Variants in SSX4 observed in about 807,000 individuals in gnomAD.
SSX4 encodes the protein protein SSX4.
For missense variants in SSX4, 7 were observed against 29.1 expected (o/e 0.24, Z 1.75); for synonymous variants, 1 against 11.0 (o/e 0.09, Z 1.80).
In SSX4 at chrX:48,384,630, G is replaced by T. The variant is rs200595676; in HGVS notation, c.139G>T (p.Val47Phe). 1.7e-6 allele frequency: 2 copies of T among 1,164,379 alleles called. No homozygotes were observed. The highest frequency in any genetic ancestry group is 1.9e-5 in the South Asian group (1 of 52,819). Residue 47 changes from valine to phenylalanine, a missense_variant, in exon 3 of 8, where the codon GTC becomes TTC. By Grantham distance (50) the Val-to-Phe change is conservative. Transcript: ENST00000595689. ...WEKMKSSEKIVYVYMKLNYEV... is the reference protein window; with the variant it reads ...WEKMKSSEKIFYVYMKLNYEV... The stretch of plus-strand genomic sequence containing the variant: ...AAAGATGAAATCCTCGGAGAAAATC[G>T]TCTATGTGTATATGAAGCTAAACTA...
chrX:48,384,161 G>A (rs1556955588), intron 2 of SSX4, 39 bp downstream of exon 2: 1 of 66,934 alleles, frequency 1.5e-5, no homozygotes, highest in Non-Finnish European at 2.5e-5. Flanking sequence ...TGGCCCAGGG[G>A]ACAGTGTGGG....
At chrX:48,384,957 C>A (rs1319603205) in intron 3 of SSX4, among the ~76,000 whole-genome samples, 2 of 2,116 alleles carry the variant, frequency 9.5e-4, no homozygotes, top group Non-Finnish European at 2.4e-3. Flanking sequence ...ACCCCCACAC[C>A]CAACACGCAC....
rs2061333730 is a variant in SSX4, at chrX:48,384,550, T to G, written c.70-11T>G. The G allele has an allele frequency of 9.1e-6, 11 of 1,206,565 alleles. No homozygotes were observed. The highest frequency in any genetic ancestry group is 8.9e-6 in the Non-Finnish European group (8 of 894,870). ...AGTCCCTGCCATAATTCCTTTTTTT[T>G]TTTTTTCCAGGCCTTCGATGATATT... On this transcript the variant is annotated splice_polypyrimidine_tract_variant and intron_variant, in intron 2 of 7. Coordinates refer to ENST00000595689, the MANE Select transcript of SSX4 (RefSeq NM_005636.4).
At position 48,384,228 on chromosome X, in the gene SSX4, T is replaced by C. The variant is rs1400147580; in HGVS notation, c.69+106T>C. 8 of 120,441 alleles carry C rather than the reference T, an allele frequency of 6.6e-5. No individual in the cohort carries two copies. The Admixed American group carries it at 8.4e-4, about 13-fold the overall frequency. 9.9% of individuals were successfully genotyped at this position (120,441 alleles called of 1,213,427 possible). A position where few individuals can be genotyped will look rare whatever the true frequency, so the allele number is the denominator to read the frequency against. On this transcript the variant is annotated intron_variant, in intron 2 of 7. Transcript: ENST00000595689. ...GGTACTAGGGACAAGGAGCAGGGTC[T>C]CGGGGGAGATTTGGACCCTTGGGAG...
Position 48,384,547 on chromosome X carries a change from T to G in SSX4, c.70-14T>G. On this transcript the variant is annotated splice_polypyrimidine_tract_variant and intron_variant, in intron 2 of 7. Coordinates refer to ENST00000595689, the MANE Select transcript of SSX4 (RefSeq NM_005636.4). ...CTGAGTCCCTGCCATAATTCCTTTT[T>G]TTTTTTTTTCCAGGCCTTCGATGAT... 1 of 1,207,296 alleles carries G rather than the reference T, an allele frequency of 8.3e-7. No individual in the cohort carries two copies. Among genetic ancestry groups the G allele is most frequent in the Non-Finnish European group, 1.1e-6 (1 of 895,013 alleles).
intron 1 of SSX4, 130 bp from the exon 2 acceptor site, chrX:48,383,898 CAAAAAA>C (rs782375203): frequency 4.4e-3 from 1 of 226 alleles, no homozygotes; most frequent in Admixed American, 0.016. Flanking sequence ...GACCCTGTCT[CAAAAAA>C]AAAAAAAAAA....
intron 2 of SSX4, among the ~76,000 whole-genome samples, 162 bp from the exon 3 acceptor site, chrX:48,384,399 A>G (rs1393431953): frequency 1.5e-5 from 1 of 66,885 alleles, no homozygotes; most frequent in Non-Finnish European, 2.6e-5. Flanking sequence ...GCAGGGGCGA[A>G]GCTAGGGAAG....
chrX:48,384,165 G>C lies in SSX4; in HGVS notation c.69+43G>C, dbSNP rs1556955589. 3.8e-5 allele frequency: 3 copies of C among 78,615 alleles called. No homozygotes were observed. In the South Asian group the frequency reaches 4.2e-4, roughly 11 times the overall value. 6.5% of individuals were successfully genotyped at this position (78,615 alleles called of 1,213,427 possible). A position where few individuals can be genotyped will look rare whatever the true frequency, so the allele number is the denominator to read the frequency against. ...GGGCAGAGTAGTGGCCCAGGGGACA[G>C]TGTGGGGTGACCAGGTTTCTGAGGA... On this transcript the variant is annotated intron_variant, in intron 2 of 7. Coordinates refer to ENST00000595689, the MANE Select transcript of SSX4 (RefSeq NM_005636.4).
chrX:48,384,257 C>G, intron 2 of SSX4, 135 bp downstream of exon 2: 2 of 157,793 alleles, frequency 1.3e-5, no homozygotes, highest in South Asian at 1.5e-4. Context: ...TTGGGAGCCT[C>G]CCACCCTCGC....
chrX:48,383,898 C>CAAAAAA, intron 1 of SSX4, 136 bp from the exon 2 acceptor site: 1 of 224 alleles, frequency 4.5e-3, no homozygotes, highest in Admixed American at 0.017. Context: ...GACCCTGTCT[C>CAAAAAA]AAAAAAAAAA....
In SSX4 at chrX:48,384,094, A is replaced by G. The variant is rs782060893; in HGVS notation, c.41A>G (p.Asp14Gly). ...GCCTTTGCAAGGAGACCCAGGGATG[A>G]TGCTCAAATATCAGAGAAGTTACGA... ...DDAFARRPRD[D>G]AQISEKLRKA... The change falls in exon 2 of 8, where the codon GAT (aspartate) becomes GGT (glycine). Residue 14 changes from aspartate to glycine, a missense_variant. Physicochemically the swap from Asp to Gly is moderately conservative, Grantham distance 94. Transcript: ENST00000595689. The G allele has an allele frequency of 4.4e-4, 20 of 45,043 alleles. No homozygotes were observed. Among genetic ancestry groups the G allele is most frequent in the Non-Finnish European group, 3.9e-4 (11 of 28,463 alleles). 3.7% of individuals were successfully genotyped at this position (45,043 alleles called of 1,213,427 possible).
intron 2 of SSX4, 117 bp downstream of exon 2, chrX:48,384,239 T>C (rs369554859): frequency 7.7e-6 from 1 of 130,201 alleles, no homozygotes; most frequent in Non-Finnish European, 1.3e-5. Flanking sequence ...CGGGGGAGAT[T>C]TGGACCCTTG....
intron 2 of SSX4, 114 bp downstream of exon 2, chrX:48,384,236 G>T (rs2061332917): frequency 7.6e-6 from 1 of 131,136 alleles, no homozygotes; most frequent in Non-Finnish European, 1.3e-5. Context: ...TCTCGGGGGA[G>T]ATTTGGACCC....
At chrX:48,384,426 CAGTT>C (rs2061333289) in intron 2 of SSX4, 131 bp from the exon 3 acceptor site, 1 of 319,115 alleles carries the variant, frequency 3.1e-6, no homozygotes, top group Non-Finnish European at 5.6e-6. Context: ...CATGTTCTGT[CAGTT>C]AGCCATGGCA....
chrX:48,384,843 G>A (rs2146683678), intron 3 of SSX4, among the ~76,000 whole-genome samples, 168 bp downstream of exon 3: 1 of 25,716 alleles, frequency 3.9e-5, no homozygotes, highest in African/African-American at 2.2e-4. Flanking sequence ...TGTCAGGGCT[G>A]AGGGCAGGGA....
At chrX:48,384,716 T>C in intron 3 of SSX4, 41 bp downstream of exon 3, 1 of 886,161 alleles carries the variant, frequency 1.1e-6, no homozygotes, top group African/African-American at 3.6e-5. Context: ...TGGGGACACA[T>C]GAGCATCCCT....
Position 48,384,617 on chromosome X carries a change from C to G in SSX4, c.126C>G (p.Ser42=). ...FSKKEWEKMK[S]SEKIVYVYMK... is the part of the protein sequence containing the mutation. Reference sequence around the variant, plus strand: ...AGAAAGAGTGGGAAAAGATGAAATCCTCGGAGAAAATCGTCTATGTGTATA... The same window carrying G: ...AGAAAGAGTGGGAAAAGATGAAATCGTCGGAGAAAATCGTCTATGTGTATA... The change falls in exon 3 of 8, where the codon TCC becomes TCG. Residue 42 remains serine (S), a synonymous_variant. Coordinates refer to ENST00000595689, the MANE Select transcript of SSX4 (RefSeq NM_005636.4). 1 of 1,171,703 alleles carries G rather than the reference C, an allele frequency of 8.5e-7. No individual in the cohort carries two copies. The highest frequency in any genetic ancestry group is 1.1e-6 in the Non-Finnish European group (1 of 879,968).
chrX:48,384,661 T>G lies in SSX4; in HGVS notation c.170T>G (p.Val57Gly). 1.8e-6 allele frequency: 2 copies of G among 1,115,967 alleles called. No homozygotes were observed. Among genetic ancestry groups the G allele is most frequent in the Non-Finnish European group, 2.4e-6 (2 of 847,449 alleles). 92.0% of individuals were successfully genotyped at this position (1,115,967 alleles called of 1,213,427 possible). Residue 57 changes from valine to glycine, a missense_variant, in exon 3 of 8, where the codon GTC (valine) becomes GGC (glycine). Physicochemically the swap from Val to Gly is moderately radical, Grantham distance 109. Transcript: ENST00000595689. ...GTGTATATGAAGCTAAACTATGAGG[T>G]CATGACTAAACTAGGTAACAGAAAG... ...VYVYMKLNYE[V>G]MTKLGFKVTL...
At position 48,384,566 on chromosome X, in the gene SSX4, C is replaced by A. The variant is rs782606698; in HGVS notation, c.75C>A (p.Phe25Leu). The part of the protein sequence containing the change: ...AQISEKLRKA[F>L]DDIAKYFSKK... ...CCTTTTTTTTTTTTTTCCAGGCCTT[C>A]GATGATATTGCCAAATACTTCTCTA... The change falls in exon 3 of 8, where the codon TTC becomes TTA. Residue 25 changes from phenylalanine (F) to leucine (L), a missense_variant. Physicochemically the swap from Phe to Leu is conservative, Grantham distance 22. Coordinates refer to ENST00000595689, the MANE Select transcript of SSX4 (RefSeq NM_005636.4). 8.3e-7 allele frequency: 1 copy of A among 1,202,079 alleles called. No individual in the cohort carries two copies. Among genetic ancestry groups the A allele is most frequent in the East Asian group, 3.0e-5 (1 of 33,830 alleles).
Sources: gnomAD v4.1 joint callset for allele counts (sites outside exome capture counted in the v4.1 genomes callset) on GRCh38, gnomAD v4.1.1 for gene constraint, MANE v1.5 for transcripts, NCBI Gene and HGNC (gene_info 2026-07-23, HGNC 2026-07-21) for gene names.